The following SLFN12L variants were observed in gnomAD, a reference collection of about 807,000 sequenced individuals.
SLFN12L encodes the protein schlafen family member 12-like.
SLFN12L carries 34 observed loss-of-function variants against 34.8 expected under a neutral mutation model. The ratio of observed to expected loss-of-function variants is 0.98; its 90% CI spans 0.74 to 1.30. SLFN12L has a LOEUF of 1.30. SLFN12L is among the 50% of genes most tolerant of loss of function. SLFN12L has a pLI of 0.00. For synonymous variants in SLFN12L, 259 were observed against 247.5 expected, an observed-to-expected ratio of 1.05 and a Z score of -0.44; for missense variants, 703 against 696.2, an observed-to-expected ratio of 1.01 and a Z score of -0.11.
intron 2 of SLFN12L, among the ~76,000 whole-genome samples, chr17:35,489,574 T>C (rs2044439354): frequency 6.6e-6 from 1 of 152,004 alleles, no homozygotes; most frequent in South Asian, 2.1e-4. Context: ...TACATATATA[T>C]ATGTAAAATG....
At chr17:35,534,641 GA>G (rs1371606930) in intron 1 of SLFN12L, among the ~76,000 whole-genome samples, 1 of 152,144 alleles carries the variant, frequency 6.6e-6, no homozygotes, top group Non-Finnish European at 1.5e-5. Context: ...CAATTGATGG[GA>G]ATTCATGTCT....
rs1402394018 is a variant in SLFN12L at position 35,467,369 on chromosome 17, C to T, written c.*7554G>A. Among the ~76,000 whole-genome samples the T allele has an allele frequency of 6.6e-6, 1 of 152,194 alleles. No homozygotes were observed. Among genetic ancestry groups the T allele is most frequent in the Non-Finnish European group, 1.5e-5 (1 of 68,032 alleles). On this transcript the variant is annotated 3_prime_UTR_variant, in exon 5 of 5. Coordinates refer to ENST00000628453, the MANE Select transcript of SLFN12L (RefSeq NM_001363830.2). Reference sequence around the variant, plus strand: ...CTTTCAGATTAAGGAACACTAAGAACCTCTTTCCTCTTAGATACCCAAAAT... The same window carrying T: ...CTTTCAGATTAAGGAACACTAAGAATCTCTTTCCTCTTAGATACCCAAAAT...
chr17:35,493,933 C>T (rs538012201), intron 2 of SLFN12L, among the ~76,000 whole-genome samples: 41 of 151,920 alleles, frequency 2.7e-4, no homozygotes, highest in Non-Finnish European at 7.4e-5. Flanking sequence ...TTTTGTTGTA[C>T]GTGTAGATCT....
rs138696783 is a variant in SLFN12L, at chr17:35,533,818, C to A, written c.-606+3755G>T. On this transcript the variant is annotated intron_variant, in intron 1 of 4. Transcript: ENST00000628453. Reference sequence around the variant, plus strand: ...GAAGCTGGCCAGACACCATAGCTCACGCCTGTAATCCCAGCACTTTGGGAG... The same window carrying A: ...GAAGCTGGCCAGACACCATAGCTCAAGCCTGTAATCCCAGCACTTTGGGAG... 4.4e-3 allele frequency among the ~76,000 whole-genome samples: 666 copies of A among 152,256 alleles called. 2 individuals carry two copies. The highest frequency in any genetic ancestry group is 0.015 in the African/African-American group (629 of 41,558).
chr17:35,523,819 C>T (rs2072305808), intron 1 of SLFN12L, among the ~76,000 whole-genome samples: 1 of 152,090 alleles, frequency 6.6e-6, no homozygotes, highest in Non-Finnish European at 1.5e-5. Context: ...CCTGTAGTCC[C>T]ATCTCCTCAG....
intron 2 of SLFN12L, among the ~76,000 whole-genome samples, chr17:35,515,373 A>C (rs1915783435): frequency 6.6e-6 from 1 of 152,172 alleles, no homozygotes; most frequent in South Asian, 2.1e-4. Flanking sequence ...AGTTTGAGAG[A>C]GAGTCATGTG....
At position 35,506,933 on chromosome 17, in the gene SLFN12L, T is replaced by C. The variant is rs918373475; in HGVS notation, c.86+15346A>G. 3.3e-5 allele frequency among the ~76,000 whole-genome samples: 5 copies of C among 152,228 alleles called. No homozygotes were observed. The East Asian group carries it at 9.6e-4, about 29-fold the overall frequency. On this transcript the variant is annotated intron_variant, in intron 2 of 4. Transcript: ENST00000628453. ...AGACTCAGCTGCCTTGGGCAAAAAC[T>C]GTATAATAGTACTACAAAAACAGCC... is the stretch of plus-strand genomic sequence containing the variant.
chr17:35,530,456 G>T, intron 1 of SLFN12L, among the ~76,000 whole-genome samples: 1 of 48,712 alleles, frequency 2.1e-5, no homozygotes, highest in East Asian at 6.2e-4. Context: ...AAGAAAGAAA[G>T]AAAGAAAGAA....
chr17:35,526,499 AC>A (rs1375671655), intron 1 of SLFN12L, among the ~76,000 whole-genome samples: 1 of 152,186 alleles, frequency 6.6e-6, no homozygotes, highest in Non-Finnish European at 1.5e-5. Context: ...AGAAATCATA[AC>A]AAAAATCCTC....
At chr17:35,496,510 C>T (rs1915083835) in intron 2 of SLFN12L, among the ~76,000 whole-genome samples, 3 of 151,412 alleles carry the variant, frequency 2.0e-5, no homozygotes. Flanking sequence ...GACTTCCCCC[C>T]TCCCCACCGT....
intron 1 of SLFN12L, among the ~76,000 whole-genome samples, chr17:35,532,798 C>A (rs1298977307): frequency 1.3e-5 from 2 of 151,876 alleles, no homozygotes; most frequent in African/African-American, 4.8e-5. Flanking sequence ...GAGGCTGAGG[C>A]AGGAGAATCA....
chr17:35,475,439 AT>A lies in SLFN12L; in HGVS notation c.1322del (p.Asn441IlefsTer12). The A allele has an allele frequency of 6.2e-7, 1 of 1,613,202 alleles. No homozygotes were observed. The highest frequency in any genetic ancestry group is 8.5e-7 in the Non-Finnish European group (1 of 1,179,726). On this transcript the variant is annotated frameshift_variant, in exon 5 of 5. Transcript: ENST00000628453. LOFTEE classifies it low-confidence loss of function (END_TRUNC). ...TAAGTCCTTCATGTTGTGAGAACAG[AT>A]TTCTGCAGAAGGTTTTTGGAGCACA... is the stretch of plus-strand genomic sequence containing the variant. Reference protein sequence around the residue: ...ITCAPKTFCRNLFSQHEGLKQ... With the variant: ...ITCAPKTFCRXLFSQHEGLKQ...
At chr17:35,516,958 ATCCCAGTG>A (rs760695944) in intron 2 of SLFN12L, among the ~76,000 whole-genome samples, 6 of 152,172 alleles carry the variant, frequency 3.9e-5, no homozygotes, top group Non-Finnish European at 7.3e-5. Flanking sequence ...AAGTTTTTGA[ATCCCAGTG>A]TCTATTTTAC....
chr17:35,491,044 G>A (rs967387661), intron 2 of SLFN12L: 13 of 786,312 alleles, frequency 1.7e-5, no homozygotes, highest in South Asian at 4.0e-5. Flanking sequence ...AGCAGACTGC[G>A]GACCAAATTC....
rs558358310 is a variant in SLFN12L at position 35,473,883 on chromosome 17, T to C, written c.*1040A>G. The C allele has an allele frequency of 3.9e-5, 6 of 152,330 alleles. No homozygotes were observed. The highest frequency in any genetic ancestry group is 1.4e-4 in the African/African-American group (6 of 41,564). 9.4% of individuals were successfully genotyped at this position (152,330 alleles called of 1,614,324 possible). A position where few individuals can be genotyped will look rare whatever the true frequency, so the allele number is the denominator to read the frequency against. On this transcript the variant is annotated 3_prime_UTR_variant, in exon 5 of 5. Transcript: ENST00000628453. ...CCTGGCTCAGTCTTGGGAGGTTGCATGTGTTCAGGAATTTATCCATTTCTT... is the reference window on the plus strand; with the variant it reads ...CCTGGCTCAGTCTTGGGAGGTTGCACGTGTTCAGGAATTTATCCATTTCTT...
rs1478185574 is a variant in SLFN12L at position 35,470,175 on chromosome 17, C to G, written c.*4748G>C. 6.6e-6 allele frequency: 1 copy of G among 152,232 alleles called. No homozygotes were observed. The highest frequency in any genetic ancestry group is 1.5e-5 in the Non-Finnish European group (1 of 68,052). 9.4% of individuals were successfully genotyped at this position (152,232 alleles called of 1,614,324 possible). On this transcript the variant is annotated 3_prime_UTR_variant, in exon 5 of 5. Coordinates refer to ENST00000628453, the MANE Select transcript of SLFN12L (RefSeq NM_001363830.2). Reference sequence around the variant, plus strand: ...AGGTTTCACCAAAGTTTATATTTTCCTACTGCAAAACTATGTTCCATGTAG... The same window carrying G: ...AGGTTTCACCAAAGTTTATATTTTCGTACTGCAAAACTATGTTCCATGTAG...
In SLFN12L at chr17:35,468,145, A is replaced by G. The variant is rs991210213; in HGVS notation, c.*6778T>C. Among the ~76,000 whole-genome samples the G allele has an allele frequency of 2.0e-5, 3 of 152,144 alleles. No homozygotes were observed. The highest frequency in any genetic ancestry group is 7.2e-5 in the African/African-American group (3 of 41,420). On this transcript the variant is annotated 3_prime_UTR_variant, in exon 5 of 5. Transcript: ENST00000628453. ...AGGCTGGTCTTGAATGCCTGAGCTC[A>G]AGCAATGCACCTGCTTTGGCCTCTC...
intron 2 of SLFN12L, chr17:35,491,093 C>A (rs1235066856): frequency 5.2e-6 from 4 of 776,416 alleles, no homozygotes; most frequent in Non-Finnish European, 9.5e-6. Context: ...GAACTTACTG[C>A]CTCCCCTGCT....
rs1336324945 is a variant in SLFN12L, at chr17:35,469,055, C to G, written c.*5868G>C. On this transcript the variant is annotated 3_prime_UTR_variant, in exon 5 of 5. Coordinates refer to ENST00000628453, the MANE Select transcript of SLFN12L (RefSeq NM_001363830.2). ...AAAATTAATGGATAGTATTGCCTTT[C>G]TCTGAAGGCTGTTGCCTCCTGAGTC... Among the ~76,000 whole-genome samples the G allele has an allele frequency of 1.3e-5, 2 of 151,616 alleles. No individual in the cohort carries two copies. The highest frequency in any genetic ancestry group is 2.9e-5 in the Non-Finnish European group (2 of 67,930).
Sources: allele counts gnomAD v4.1 joint callset (sites outside exome capture counted in the v4.1 genomes callset), GRCh38; gene constraint gnomAD v4.1.1; transcripts MANE v1.5; gene names NCBI Gene and HGNC (gene_info 2026-07-23, HGNC 2026-07-21).